Variants in OSBPL9 observed in about 807,000 individuals in gnomAD.
OSBPL9 encodes the protein oxysterol binding protein like 9, also known as oxysterol-binding protein-related protein 9.
OSBPL9 carries 40 observed loss-of-function variants against 106.6 expected under a neutral mutation model. The ratio of observed to expected loss-of-function variants is 0.38; its 90% confidence interval spans 0.29 to 0.49. The LOEUF (loss-of-function observed/expected upper bound fraction) is 0.49, where lower values mean the gene tolerates loss of function less well. Among genes scored for constraint, OSBPL9 ranks in the 20% least tolerant of loss-of-function variants. OSBPL9 has a pLI of 0.97. For missense variants in OSBPL9, 609 were observed against 887.2 expected (o/e 0.69, Z 3.98); for synonymous variants, 269 against 295.4 (o/e 0.91, Z 0.92).
At chr1:51,746,620 A>T in intron 5 of OSBPL9, 90 bp from the exon 6 acceptor site, 5 of 961,068 alleles carry the variant, frequency 5.2e-6, no homozygotes, top group Non-Finnish European at 7.9e-6. Flanking sequence ...AAATGTGTTT[A>T]AGAACAAATG....
chr1:51,718,927 A>G (rs1194514939), intron 4 of OSBPL9, among the ~76,000 whole-genome samples: 1 of 152,180 alleles, frequency 6.6e-6, no homozygotes, highest in Non-Finnish European at 1.5e-5. Flanking sequence ...CCTTGACCAC[A>G]GGATGTTTTC....
At chr1:51,593,132 T>C (rs561001351) in intron 1 of OSBPL9, among the ~76,000 whole-genome samples, 11 of 152,082 alleles carry the variant, frequency 7.2e-5, no homozygotes, top group Non-Finnish European at 1.6e-4. Flanking sequence ...CTCCCCTGTA[T>C]TCCTATCACT....
At chr1:51,683,771 C>T (rs1489426326) in intron 3 of OSBPL9, among the ~76,000 whole-genome samples, 7 of 150,884 alleles carry the variant, frequency 4.6e-5, no homozygotes, top group Admixed American at 2.0e-4. Context: ...CCAACCTGGG[C>T]GACAGAGCAA....
the OSBPL9 span, chr1:51,566,430 A>C: frequency 1.3e-5 from 2 of 152,202 alleles, no homozygotes; most frequent in Non-Finnish European, 2.9e-5. Flanking sequence ...GGAGGCAAGA[A>C]GTCCCAGTCC....
chr1:51,622,149 T>C (rs2148628165), intron 1 of OSBPL9, among the ~76,000 whole-genome samples: 1 of 152,262 alleles, frequency 6.6e-6, no homozygotes. Context: ...CTTGAGCTGG[T>C]TGAATGATAA....
chr1:51,529,164 A>G, the OSBPL9 span, among the ~76,000 whole-genome samples: 1 of 152,224 alleles, frequency 6.6e-6, no homozygotes, highest in Non-Finnish European at 1.5e-5. Flanking sequence ...TCTAAAATTC[A>G]TATGGAATTT....
intron 1 of OSBPL9, among the ~76,000 whole-genome samples, chr1:51,597,272 C>G (rs1173652055): frequency 1.3e-5 from 2 of 151,904 alleles, no homozygotes; most frequent in Non-Finnish European, 2.9e-5. Flanking sequence ...GTGACATAAT[C>G]AGAATTATAT....
At chr1:51,599,366 A>G (rs1285649898) in intron 2 of OSBPL9, among the ~76,000 whole-genome samples, 1 of 152,148 alleles carries the variant, frequency 6.6e-6, no homozygotes, top group Non-Finnish European at 1.5e-5. Flanking sequence ...GAGTCTGTTC[A>G]TTTTCTGTGA....
the OSBPL9 span, among the ~76,000 whole-genome samples, chr1:51,530,922 C>T: frequency 4.1e-5 from 6 of 147,224 alleles, no homozygotes; most frequent in African/African-American, 1.0e-4. Flanking sequence ...TGCAGTGAGC[C>T]GAGATCAGGC....
At chr1:51,662,746 T>C (rs1371192835) in intron 2 of OSBPL9, among the ~76,000 whole-genome samples, 2 of 149,406 alleles carry the variant, frequency 1.3e-5, no homozygotes, top group Admixed American at 6.6e-5. Flanking sequence ...CAACGAATTT[T>C]TTTTTTTTTT....
At chr1:51,684,967 A>C (rs1475670525) in intron 3 of OSBPL9, among the ~76,000 whole-genome samples, 1 of 148,192 alleles carries the variant, frequency 6.7e-6, no homozygotes, top group Non-Finnish European at 1.5e-5. Flanking sequence ...GCTGGAATGC[A>C]GTGGCAGGAT....
At chr1:51,645,139 C>T (rs1393327951) in intron 1 of OSBPL9, among the ~76,000 whole-genome samples, 1 of 152,152 alleles carries the variant, frequency 6.6e-6, no homozygotes, top group Admixed American at 6.5e-5. Context: ...TTGGAATTCC[C>T]AGCCCCTTAA....
chr1:51,746,623 A>G (rs1668031441), intron 5 of OSBPL9, 87 bp from the exon 6 acceptor site: 1 of 990,316 alleles, frequency 1.0e-6, no homozygotes, highest in Non-Finnish European at 1.5e-6. Flanking sequence ...TGTGTTTAAG[A>G]ACAAATGTTT....
the OSBPL9 span, among the ~76,000 whole-genome samples, chr1:51,530,176 A>AAAAAAACAAAAAAAAC: frequency 9.3e-6 from 1 of 107,706 alleles, no homozygotes; most frequent in Admixed American, 9.0e-5. Flanking sequence ...GTCTCAAAAA[A>AAAAAAACAAAAAAAAC]AAAAAAAAAA....
rs147000708 is a variant in OSBPL9, at chr1:51,660,559, G to A, written c.162+8518G>A. On this transcript the variant is annotated intron_variant, in intron 2 of 23. Coordinates refer to ENST00000428468, the MANE Select transcript of OSBPL9 (RefSeq NM_024586.6). ...TACATACTTTCAATTCATGTAAGGG[G>A]GAATAAGAAGGTAAAATATTGAATG... is the stretch of plus-strand genomic sequence containing the variant. 1.9e-3 allele frequency among the ~76,000 whole-genome samples: 284 copies of A among 152,266 alleles called. 2 individuals are homozygous for A. Among genetic ancestry groups the A allele is most frequent in the African/African-American group, 6.3e-3 (262 of 41,566 alleles).
intron 4 of OSBPL9, among the ~76,000 whole-genome samples, chr1:51,743,230 A>G (rs1667301225): frequency 6.6e-6 from 1 of 152,218 alleles, no homozygotes; most frequent in Non-Finnish European, 1.5e-5. Flanking sequence ...CACATTACCT[A>G]AAGAAAAATG....
the OSBPL9 span, among the ~76,000 whole-genome samples, chr1:51,540,788 G>A: frequency 1.5e-4 from 23 of 151,582 alleles, no homozygotes; most frequent in African/African-American, 4.6e-4. Flanking sequence ...GTGAAACCCC[G>A]TCTCTACTAA....
intron 4 of OSBPL9, among the ~76,000 whole-genome samples, chr1:51,734,635 A>G (rs569209076): frequency 6.6e-6 from 1 of 152,334 alleles, no homozygotes; most frequent in East Asian, 1.9e-4. Context: ...TTCAAATTCT[A>G]ATTCCATTTC....
At chr1:51,741,217 C>G (rs1251490419) in intron 4 of OSBPL9, among the ~76,000 whole-genome samples, 1 of 152,114 alleles carries the variant, frequency 6.6e-6, no homozygotes, top group African/African-American at 2.4e-5. Context: ...TTCTACAAGT[C>G]TAGTTATATT....
Sources: allele counts gnomAD v4.1 joint callset (sites outside exome capture counted in the v4.1 genomes callset), GRCh38; gene constraint gnomAD v4.1.1; transcripts MANE v1.5; gene names NCBI Gene and HGNC (gene_info 2026-07-23, HGNC 2026-07-21).